ROCK1: variants seen among roughly 807,000 people sequenced by gnomAD.
ROCK1 encodes the protein rho-associated protein kinase 1.
In ROCK1, 36 loss-of-function variants were observed where a neutral mutation model predicts 196.8. That is an observed-to-expected ratio of 0.18 (90% CI 0.14 to 0.24). The LOEUF (loss-of-function observed/expected upper bound fraction) is 0.24. Ranked by LOEUF, ROCK1 falls within the 10% of genes least tolerant of loss-of-function variation. The pLI, the probability that ROCK1 is intolerant of heterozygous loss-of-function variation, is 1.00. For synonymous variants in ROCK1, 443 were observed against 515.9 expected (o/e 0.86, Z 1.91); for missense variants, 920 against 1,562.0 (o/e 0.59, Z 6.93).
intron 1 of ROCK1, among the ~76,000 whole-genome samples, chr18:21,099,767 G>T (rs772527874): frequency 6.6e-6 from 1 of 151,732 alleles, no homozygotes; most frequent in Admixed American, 6.6e-5. Context: ...GGGCGCAGTG[G>T]CTCATGCCTG....
At chr18:20,988,725 T>A (rs1423400851) in intron 18 of ROCK1, among the ~76,000 whole-genome samples, 3 of 152,196 alleles carry the variant, frequency 2.0e-5, no homozygotes, top group Admixed American at 6.5e-5. Flanking sequence ...AGAACCCCCA[T>A]CCAGGGCAGT....
chr18:21,052,804 C>T (rs2036214791), intron 2 of ROCK1, among the ~76,000 whole-genome samples: 1 of 152,074 alleles, frequency 6.6e-6, no homozygotes, highest in African/African-American at 2.4e-5. Flanking sequence ...ACCCCCCAAC[C>T]CCCATCCTGT....
At chr18:21,052,251 T>C (rs1237639901) in intron 2 of ROCK1, among the ~76,000 whole-genome samples, 1 of 152,218 alleles carries the variant, frequency 6.6e-6, no homozygotes, top group East Asian at 1.9e-4. Context: ...AGAGATTCTA[T>C]GGTTCTACTT....
In ROCK1 at chr18:20,970,378, CTCT is replaced by C; in HGVS notation, c.2787_2789del (p.Glu930del). 5 of 1,613,866 alleles carry C rather than the reference CTCT, an allele frequency of 3.1e-6. No individual in the cohort carries two copies. Among genetic ancestry groups the C allele is most frequent in the Non-Finnish European group, 3.4e-6 (4 of 1,179,844 alleles). ...TAACAGTGTGATCTTTATCTGTAAT[CTCT>C]TGTCTATTTCTTGAAGCAGCTTTCT... On this transcript the variant is annotated inframe_deletion, in exon 23 of 33. Coordinates refer to ENST00000399799, the MANE Select transcript of ROCK1 (RefSeq NM_005406.3).
At chr18:21,002,745 TTTG>T (rs2035735983) in intron 16 of ROCK1, among the ~76,000 whole-genome samples, 1 of 152,046 alleles carries the variant, frequency 6.6e-6, no homozygotes, top group African/African-American at 2.4e-5. Context: ...CATTCGTTTG[TTTG>T]TTGTTGTTTT....
At chr18:21,076,672 TACACACACACACACACAC>T (rs112541303) in intron 1 of ROCK1, among the ~76,000 whole-genome samples, 1 of 146,166 alleles carries the variant, frequency 6.8e-6, no homozygotes, top group African/African-American at 2.5e-5. Flanking sequence ...TCTTGGTACA[TACACACACACACACACAC>T]ACACACACAC....
intron 16 of ROCK1, among the ~76,000 whole-genome samples, chr18:20,997,319 AAAAC>A (rs2035680426): frequency 6.6e-6 from 1 of 152,244 alleles, no homozygotes; most frequent in Non-Finnish European, 1.5e-5. Context: ...AACAAAAACA[AAAAC>A]AAAAAAAGAG....
intron 2 of ROCK1, among the ~76,000 whole-genome samples, chr18:21,053,843 A>T (rs2036224872): frequency 6.6e-6 from 1 of 152,172 alleles, no homozygotes; most frequent in African/African-American, 2.4e-5. Context: ...GGGAAAAAAA[A>T]AGACAACATT....
At chr18:21,057,825 A>C (rs1205690609) in intron 2 of ROCK1, among the ~76,000 whole-genome samples, 1 of 152,198 alleles carries the variant, frequency 6.6e-6, no homozygotes, top group Non-Finnish European at 1.5e-5. Flanking sequence ...TGTATCAAGA[A>C]AAAAATTAAA....
chr18:21,093,269 A>G (rs187133282), intron 1 of ROCK1, among the ~76,000 whole-genome samples: 159 of 152,342 alleles, frequency 1.0e-3, no homozygotes, highest in African/African-American at 3.8e-3. Flanking sequence ...AAAGAAGCCG[A>G]TCTGGAAAAC....
At chr18:21,058,647 C>G (rs772050378) in intron 2 of ROCK1, among the ~76,000 whole-genome samples, 39 of 152,128 alleles carry the variant, frequency 2.6e-4, no homozygotes, top group Admixed American at 8.5e-4. Context: ...GTCATGCAAT[C>G]TCAGCTCACT....
chr18:21,080,217 C>T (rs1402101367), intron 1 of ROCK1, among the ~76,000 whole-genome samples: 2 of 151,998 alleles, frequency 1.3e-5, no homozygotes, highest in Non-Finnish European at 2.9e-5. Flanking sequence ...AGTTAAACGG[C>T]CAATTTTCCA....
At chr18:21,038,430 A>G (rs1294644078) in intron 9 of ROCK1, among the ~76,000 whole-genome samples, 1 of 152,144 alleles carries the variant, frequency 6.6e-6, no homozygotes, top group Non-Finnish European at 1.5e-5. Flanking sequence ...AGACAATTTT[A>G]TAGCTCAGCA....
chr18:21,025,005 C>CT (rs2035943983), intron 10 of ROCK1, among the ~76,000 whole-genome samples: 1 of 152,178 alleles, frequency 6.6e-6, no homozygotes, highest in Non-Finnish European at 1.5e-5. Flanking sequence ...TGTTTCATCT[C>CT]TAAGATATTT....
Position 21,070,529 on chromosome 18 carries a change from T to C in ROCK1, c.175+3A>G, listed in dbSNP as rs2036375033. 6 of 1,543,440 alleles carry C rather than the reference T, an allele frequency of 3.9e-6. No individual in the cohort carries two copies. The highest frequency in any genetic ancestry group is 1.4e-5 in the African/African-American group (1 of 73,362). On this transcript the variant is annotated splice_donor_region_variant and intron_variant, in intron 2 of 32. Coordinates refer to ENST00000399799, the MANE Select transcript of ROCK1 (RefSeq NM_005406.3). ...TCATTAACCTCCACAAAAAATTACT[T>C]ACATCTGCTTAAAAAGTTGTCAATA...
intron 27 of ROCK1, among the ~76,000 whole-genome samples, chr18:20,962,148 C>CCA (rs2035333586): frequency 6.6e-6 from 1 of 152,044 alleles, no homozygotes; most frequent in African/African-American, 2.4e-5. Context: ...AATAGTGGTT[C>CCA]CAGTTTAAAA....
chr18:21,022,402 T>C (rs1443253613), intron 11 of ROCK1, among the ~76,000 whole-genome samples: 4 of 152,186 alleles, frequency 2.6e-5, no homozygotes, highest in African/African-American at 4.8e-5. Flanking sequence ...AAGATGATGC[T>C]AACTATACTG....
chr18:20,973,844 GAGTGC>G (rs2035453725), intron 22 of ROCK1, among the ~76,000 whole-genome samples: 1 of 150,600 alleles, frequency 6.6e-6, no homozygotes, highest in Non-Finnish European at 1.5e-5. Context: ...ACCCAGGCTG[GAGTGC>G]AGTGGTGTGA....
chr18:21,027,792 C>T (rs373693177), intron 10 of ROCK1, among the ~76,000 whole-genome samples: 2 of 109,318 alleles, frequency 1.8e-5, no homozygotes, highest in African/African-American at 3.6e-5. Context: ...GACGGAGTCT[C>T]GCTCTGTCGC....
Sources: allele counts gnomAD v4.1 joint callset (sites outside exome capture counted in the v4.1 genomes callset), GRCh38; gene constraint gnomAD v4.1.1; transcripts MANE v1.5; gene names NCBI Gene and HGNC (gene_info 2026-07-23, HGNC 2026-07-21).